The following TYMS variants were observed in gnomAD, a reference collection of about 807,000 sequenced individuals.
TYMS encodes thymidylate synthetase, also known as thymidylate synthase.
In TYMS, 21 loss-of-function variants were observed where a neutral mutation model predicts 39.3. The observed-to-expected ratio is 0.54, with a 90% CI of 0.38 to 0.77. The LOEUF (loss-of-function observed/expected upper bound fraction) is 0.77. Ranked by LOEUF, TYMS falls within the 30% of genes least tolerant of loss-of-function variation. The pLI is 0.00. For missense variants in TYMS, 273 were observed against 406.7 expected (o/e 0.67, Z 2.83); for synonymous variants, 171 against 162.2 (o/e 1.05, Z -0.41).
chr18:666,939 AGATGGT>A lies in TYMS; in HGVS notation c.455-2121_455-2116del, dbSNP rs1301411807. Among the ~76,000 whole-genome samples, 18 of 28,106 alleles carry A rather than the reference AGATGGT, an allele frequency of 6.4e-4. 3 individuals are homozygous for A. The highest frequency in any genetic ancestry group is 3.3e-3 in the Admixed American group (8 of 2,420). 18.4% of individuals were successfully genotyped at this position (28,106 alleles called of 152,430 possible). On this transcript the variant is annotated intron_variant, in intron 3 of 6. Transcript: ENST00000323274. ...GTGATGGAGATGGTGATGGTGATGG[AGATGGT>A]GATGGTGATGGAGATGGAGATGGTG...
At position 667,020 on chromosome 18, in the gene TYMS, TGGAGATGGTGATGGA is replaced by T. The variant is rs2074846685; in HGVS notation, c.455-2050_455-2036del. 4.4e-4 allele frequency among the ~76,000 whole-genome samples: 3 copies of T among 6,772 alleles called. 1 individual carries two copies. The highest frequency in any genetic ancestry group is 1.0e-3 in the Non-Finnish European group (3 of 3,008). The allele number at this position is 6,772 out of a possible 152,430, so 4.4% of individuals were successfully genotyped here. ...ATGGAGATGGTGATGGTGATGGAGA[TGGAGATGGTGATGGA>T]GATGGTGATGGTGATGGAGATGGAG... On this transcript the variant is annotated intron_variant, in intron 3 of 6. Coordinates refer to ENST00000323274, the MANE Select transcript of TYMS (RefSeq NM_001071.4).
In TYMS at chr18:658,692, C is replaced by T; in HGVS notation, c.205+745C>T. On this transcript the variant is annotated intron_variant, in intron 1 of 6. Coordinates refer to ENST00000323274, the MANE Select transcript of TYMS (RefSeq NM_001071.4). The surrounding 1 kb of genome is among the most constrained non-coding windows in gnomAD (Gnocchi z 4.5). ...GGCAGCCGTTGGCCCTCCCTAAGGC[C>T]ACACCGTCCTGCCGTCCTGGATCCT... 7.9e-6 allele frequency: 2 copies of T among 254,498 alleles called. No homozygotes were observed. The highest frequency in any genetic ancestry group is 1.5e-5 in the Non-Finnish European group (2 of 130,130). The allele number at this position is 254,498 out of a possible 1,614,324, so 15.8% of individuals were successfully genotyped here.
intron 3 of TYMS, among the ~76,000 whole-genome samples, chr18:666,921 A>ATGGT (rs2074832063): frequency 1.2e-4 from 4 of 33,498 alleles, no homozygotes; most frequent in South Asian, 3.3e-3. Context: ...ATGGTGATGG[A>ATGGT]GATGGTGATG....
At chr18:659,798 A>ACCACACCT in intron 2 of TYMS, 84 bp downstream of exon 2, 1 of 1,251,102 alleles carries the variant, frequency 8.0e-7, no homozygotes, top group Non-Finnish European at 1.2e-6. Context: ...CAAAGCAGCC[A>ACCACACCT]GGTGTGGTGG....
chr18:658,101 G>T lies in TYMS; in HGVS notation c.205+154G>T. The T allele has an allele frequency of 6.3e-7, 1 of 1,585,576 alleles. No homozygotes were observed. Among genetic ancestry groups the T allele is most frequent in the Non-Finnish European group, 8.5e-7 (1 of 1,169,602 alleles). On this transcript the variant is annotated intron_variant, in intron 1 of 6. Coordinates refer to ENST00000323274, the MANE Select transcript of TYMS (RefSeq NM_001071.4). The surrounding 1 kb of genome is among the most constrained non-coding windows in gnomAD (Gnocchi z 4.5). ...GCATCGTCCTCCTCGCCTTACAGACGCCGAAACGGAGGGTCCCATTAGGGA... is the reference window on the plus strand; with the variant it reads ...GCATCGTCCTCCTCGCCTTACAGACTCCGAAACGGAGGGTCCCATTAGGGA...
rs1258083460 is a variant in TYMS at position 667,603 on chromosome 18, ATGGTGATGGAGATGGGTGATGG to A, written c.455-1466_455-1445del. On this transcript the variant is annotated intron_variant, in intron 3 of 6. Transcript: ENST00000323274. ...GATGGTGATGGTGATGGTGATGGTGATGGTGATGGAGATGGGTGATGGTGATGGTTGCCTAACATCAGGAACG... is the reference window on the plus strand; with the variant it reads ...GATGGTGATGGTGATGGTGATGGTGATGATGGTTGCCTAACATCAGGAACG... 6.7e-5 allele frequency: 7 copies of A among 105,150 alleles called. 1 individual carries two copies. The highest frequency in any genetic ancestry group is 2.8e-4 in the African/African-American group (6 of 21,574). 6.5% of individuals were successfully genotyped at this position (105,150 alleles called of 1,614,324 possible).
rs201838394 is a variant in TYMS at position 667,617 on chromosome 18, G to GGTGATGGTGATGGTGATGGTGAT, written c.455-1454_455-1453insTGATGGTGATGGTGATGGTGATG. On this transcript the variant is annotated intron_variant, in intron 3 of 6. Coordinates refer to ENST00000323274, the MANE Select transcript of TYMS (RefSeq NM_001071.4). ...TGGTGATGGTGATGGTGATGGAGAT[G>GGTGATGGTGATGGTGATGGTGAT]GGTGATGGTGATGGTTGCCTAACAT... 2 of 46,618 alleles carry GGTGATGGTGATGGTGATGGTGAT rather than the reference G, an allele frequency of 4.3e-5. 1 individual carries two copies. Among genetic ancestry groups the GGTGATGGTGATGGTGATGGTGAT allele is most frequent in the Non-Finnish European group, 8.6e-5 (2 of 23,358 alleles). 2.9% of individuals were successfully genotyped at this position (46,618 alleles called of 1,614,324 possible).
At chr18:671,710 G>A in intron 6 of TYMS, 1 of 500,554 alleles carries the variant, frequency 2.0e-6, no homozygotes, top group Non-Finnish European at 3.5e-6. Flanking sequence ...ATTCAAGCCA[G>A]GGGATTGTCC....
intron 2 of TYMS, among the ~76,000 whole-genome samples, chr18:661,268 CCT>C (rs747332068): frequency 2.5e-4 from 38 of 152,246 alleles, no homozygotes; most frequent in Non-Finnish European, 5.0e-4. Flanking sequence ...AATGCATTCC[CCT>C]GTTTCAACTT....
In TYMS at chr18:664,229, T is replaced by C. The variant is rs2074784828; in HGVS notation, c.454+1909T>C. ...TTGTAGTTCTCCTTGAAGAGGTCCT[T>C]CACATCCCTTTTAAGGTGGATTCCT... On this transcript the variant is annotated intron_variant, in intron 3 of 6. Transcript: ENST00000323274. 2.0e-5 allele frequency among the ~76,000 whole-genome samples: 3 copies of C among 152,214 alleles called. No individual in the cohort carries two copies. In the South Asian group the frequency reaches 6.2e-4, roughly 32 times the overall value.
rs11876369 is a variant in TYMS at position 662,463 on chromosome 18, G to T, written c.454+143G>T. ...TTTGACCTTGTGAGGGGTGGTGCCAGGTTAAGCCACAATTAAGCCTCATGA... is the reference window on the plus strand; with the variant it reads ...TTTGACCTTGTGAGGGGTGGTGCCATGTTAAGCCACAATTAAGCCTCATGA... On this transcript the variant is annotated intron_variant, in intron 3 of 6. Transcript: ENST00000323274. The T allele has an allele frequency of 4.5e-4, 287 of 635,402 alleles. No individual in the cohort carries two copies. In the African/African-American group the frequency reaches 4.8e-3, roughly 11 times the overall value. The allele number at this position is 635,402 out of a possible 1,614,324, so 39.4% of individuals were successfully genotyped here. A position where few individuals can be genotyped will look rare whatever the true frequency, so the allele number is the denominator to read the frequency against.
Position 667,017 on chromosome 18 carries a change from A to C in TYMS, c.455-2055A>C, listed in dbSNP as rs1672569. ...GTGATGGAGATGGTGATGGTGATGGAGATGGAGATGGTGATGGAGATGGTG... is the reference window on the plus strand; with the variant it reads ...GTGATGGAGATGGTGATGGTGATGGCGATGGAGATGGTGATGGAGATGGTG... On this transcript the variant is annotated intron_variant, in intron 3 of 6. Transcript: ENST00000323274. Among the ~76,000 whole-genome samples, 14 of 4,592 alleles carry C rather than the reference A, an allele frequency of 3.0e-3. 2 individuals are homozygous for C. Among genetic ancestry groups the C allele is most frequent in the African/African-American group, 0.013 (13 of 1,036 alleles). 3.0% of individuals were successfully genotyped at this position (4,592 alleles called of 152,430 possible).
At chr18:665,430 G>A (rs1261922654) in intron 3 of TYMS, among the ~76,000 whole-genome samples, 4,024 of 150,470 alleles carry the variant, frequency 0.027, 163 homozygotes, top group African/African-American at 0.086. Flanking sequence ...TCTTGCTAGC[G>A]GTCTATAAAT....
In TYMS at chr18:657,760, G is replaced by C. The variant is rs571377580; in HGVS notation, c.18G>C (p.Ser6=). The C allele has an allele frequency of 1.8e-5, 26 of 1,421,572 alleles. No individual in the cohort carries two copies. Among genetic ancestry groups the C allele is most frequent in the East Asian group, 1.2e-4 (4 of 32,806 alleles). 88.1% of individuals were successfully genotyped at this position (1,421,572 alleles called of 1,614,324 possible). A position where few individuals can be genotyped will look rare whatever the true frequency, so the allele number is the denominator to read the frequency against. The part of the protein sequence containing the change: MPVAG[S]ELPRRPLPPA... ...GCCGCGCCATGCCTGTGGCCGGCTC[G>C]GAGCTGCCGCGCCGGCCCTTGCCCC... The change falls in exon 1 of 7, where the codon TCG becomes TCC. Residue 6 remains serine, a synonymous_variant. Coordinates refer to ENST00000323274, the MANE Select transcript of TYMS (RefSeq NM_001071.4).
rs1249109257 is a variant in TYMS, at chr18:658,642, G to T, written c.205+695G>T. 7.3e-6 allele frequency: 2 copies of T among 272,694 alleles called. No homozygotes were observed. Among genetic ancestry groups the T allele is most frequent in the Non-Finnish European group, 1.4e-5 (2 of 140,658 alleles). The allele number at this position is 272,694 out of a possible 1,614,324, so 16.9% of individuals were successfully genotyped here. A position where few individuals can be genotyped will look rare whatever the true frequency, so the allele number is the denominator to read the frequency against. On this transcript the variant is annotated intron_variant, in intron 1 of 6. Transcript: ENST00000323274. This position sits in a 1 kb window ranked among gnomAD's most constrained non-coding sequence, Gnocchi z 4.5. ...CCAGGCTTTCAGGGGACAGTGGGGC[G>T]GGGCGGGGTGGGCACAGGACGTTAG...
At chr18:661,168 T>A (rs970081621) in intron 2 of TYMS, among the ~76,000 whole-genome samples, 1 of 152,234 alleles carries the variant, frequency 6.6e-6, no homozygotes, top group African/African-American at 2.4e-5. Context: ...TTCTTTGATT[T>A]GTTGGAAATT....
At position 657,780 on chromosome 18, in the gene TYMS, T is replaced by C. The variant is rs758379914; in HGVS notation, c.38T>C (p.Leu13Ser). Residue 13 changes from leucine to serine, a missense_variant, in exon 1 of 7, where the codon TTG becomes TCG. Leu to Ser is a moderately radical substitution (Grantham distance 145). Transcript: ENST00000323274. ...VAGSELPRRP[L>S]PPAAQERDAE... ...GGCTCGGAGCTGCCGCGCCGGCCCT[T>C]GCCCCCCGCCGCACAGGAGCGGGAC... The C allele has an allele frequency of 9.7e-6, 14 of 1,447,570 alleles. No individual in the cohort carries two copies. The South Asian group carries it at 2.0e-4, about 21-fold the overall frequency. 89.7% of individuals were successfully genotyped at this position (1,447,570 alleles called of 1,614,324 possible).
At chr18:671,785 C>CTTTTT (rs58489074) in intron 6 of TYMS, 1 of 242,776 alleles carries the variant, frequency 4.1e-6, no homozygotes, top group Non-Finnish European at 7.9e-6. Flanking sequence ...TTTTCCTTTT[C>CTTTTT]TTTTTTTTTT....
intron 6 of TYMS, 190 bp from the exon 7 acceptor site, chr18:672,670 A>T (rs1263786620): frequency 6.2e-6 from 3 of 486,658 alleles, no homozygotes; most frequent in Non-Finnish European, 1.1e-5. Context: ...CTCACTCTCG[A>T]TCTGTGCAAG....
Sources: allele counts gnomAD v4.1 joint callset (sites outside exome capture counted in the v4.1 genomes callset), GRCh38; gene constraint gnomAD v4.1.1; non-coding constraint Gnocchi (gnomAD v3.1); transcripts MANE v1.5; gene names NCBI Gene and HGNC (gene_info 2026-07-23, HGNC 2026-07-21).